RSU1: variants seen among roughly 807,000 people sequenced by gnomAD.
RSU1 encodes the protein Ras suppressor protein 1.
Under a neutral mutation model 31.1 loss-of-function variants are expected in RSU1, and 26 were observed. The observed-to-expected ratio is 0.84, with a 90% CI of 0.61 to 1.16. The LOEUF is 1.16. Among genes scored for constraint, RSU1 ranks in the 50% most tolerant of loss-of-function variants. The probability of loss-of-function intolerance (pLI) is 0.00; values close to 1 mark genes in which losing one functional copy is unlikely to be tolerated. For missense variants in RSU1, 320 were observed against 339.1 expected, an observed-to-expected ratio of 0.94 and a Z score of 0.44; for synonymous variants, 164 against 136.3, an observed-to-expected ratio of 1.20 and a Z score of -1.41.
chr10:16,654,910 G>T (rs1290553033), intron 8 of RSU1, among the ~76,000 whole-genome samples: 1 of 150,880 alleles, frequency 6.6e-6, no homozygotes, highest in Non-Finnish European at 1.5e-5. Context: ...ATTTTTTTTT[G>T]AAAAACAGGT....
chr10:16,658,821 G>C (rs78208997), intron 8 of RSU1, among the ~76,000 whole-genome samples: 2 of 152,106 alleles, frequency 1.3e-5, no homozygotes, highest in African/African-American at 2.4e-5. Context: ...TAAAACCCTA[G>C]AGAACTTAGA....
intron 2 of RSU1, among the ~76,000 whole-genome samples, chr10:16,798,788 T>C (rs12267536): frequency 0.019 from 2,895 of 152,198 alleles, 84 homozygotes; most frequent in African/African-American, 0.065. Context: ...TCCAGTAAAA[T>C]TACAGGAAAT....
chr10:16,621,540 C>T (rs1834071080), intron 8 of RSU1, among the ~76,000 whole-genome samples: 1 of 152,104 alleles, frequency 6.6e-6, no homozygotes, highest in Admixed American at 6.5e-5. Flanking sequence ...AAGACATACC[C>T]AACACTGGGT....
At chr10:16,713,921 T>C (rs1449123006) in intron 7 of RSU1, among the ~76,000 whole-genome samples, 1 of 152,170 alleles carries the variant, frequency 6.6e-6, no homozygotes, top group Non-Finnish European at 1.5e-5. Context: ...CTCAGTAGCA[T>C]GGTCTACATG....
chr10:16,709,350 A>G (rs1440961168), intron 7 of RSU1, among the ~76,000 whole-genome samples: 5 of 152,126 alleles, frequency 3.3e-5, no homozygotes, highest in Non-Finnish European at 5.9e-5. Context: ...GCTGCATACT[A>G]TTCCATGGTG....
At chr10:16,666,766 T>C (rs61842269) in intron 8 of RSU1, among the ~76,000 whole-genome samples, 9,309 of 152,026 alleles carry the variant, frequency 0.061, 448 homozygotes, top group East Asian at 0.19. Flanking sequence ...GGTGGGTGGA[T>C]TACTTGAGGT....
intron 3 of RSU1, among the ~76,000 whole-genome samples, chr10:16,777,857 G>C (rs17333493): frequency 6.6e-6 from 1 of 151,962 alleles, no homozygotes; most frequent in East Asian, 1.9e-4. Context: ...ATGACCTTCG[G>C]CATTATTGCT....
At chr10:16,763,373 A>G (rs1183595201) in intron 4 of RSU1, among the ~76,000 whole-genome samples, 6 of 152,270 alleles carry the variant, frequency 3.9e-5, no homozygotes, top group Non-Finnish European at 8.8e-5. Flanking sequence ...TCATGGTGGA[A>G]GGCAATGCAG....
chr10:16,732,292 G>A (rs1836530127), intron 7 of RSU1, among the ~76,000 whole-genome samples: 1 of 152,182 alleles, frequency 6.6e-6, no homozygotes, highest in East Asian at 1.9e-4. Flanking sequence ...TCTACTTCCT[G>A]TGGACTGAGT....
At chr10:16,680,693 C>T (rs763451132) in intron 8 of RSU1, among the ~76,000 whole-genome samples, 2 of 152,196 alleles carry the variant, frequency 1.3e-5, no homozygotes, top group Non-Finnish European at 2.9e-5. Flanking sequence ...GCTCACTCAT[C>T]ACCAAGAGGA....
intron 8 of RSU1, among the ~76,000 whole-genome samples, chr10:16,689,902 C>T (rs760102298): frequency 5.9e-5 from 9 of 152,214 alleles, no homozygotes; most frequent in Non-Finnish European, 1.2e-4. Flanking sequence ...CCATGCTTGG[C>T]AAATTGCAGT....
rs886129033 is a variant in RSU1 at position 16,626,202 on chromosome 10, G to A, written c.732-32706C>T. 9.9e-5 allele frequency among the ~76,000 whole-genome samples: 15 copies of A among 151,592 alleles called. No individual in the cohort carries two copies. In the East Asian group the frequency reaches 1.6e-3, roughly 16 times the overall value. On this transcript the variant is annotated intron_variant, in intron 8 of 8. Coordinates refer to ENST00000345264, the MANE Select transcript of RSU1 (RefSeq NM_012425.4). ...TGGGACTAAAGGTGCATGCCACCACGTCCAGCTAATTTGTTATTTTAAATT... is the reference window on the plus strand; with the variant it reads ...TGGGACTAAAGGTGCATGCCACCACATCCAGCTAATTTGTTATTTTAAATT...
At chr10:16,726,724 A>G (rs1019451332) in intron 7 of RSU1, among the ~76,000 whole-genome samples, 1 of 152,096 alleles carries the variant, frequency 6.6e-6, no homozygotes, top group Non-Finnish European at 1.5e-5. Flanking sequence ...TTTTTCTCAT[A>G]TTGAATTAGT....
intron 8 of RSU1, among the ~76,000 whole-genome samples, chr10:16,680,214 A>G (rs189470819): frequency 5.9e-5 from 9 of 152,096 alleles, no homozygotes; most frequent in African/African-American, 2.2e-4. Context: ...CTGGTCTCTT[A>G]TTACACCTTT....
chr10:16,786,927 A>C (rs974665922), intron 2 of RSU1, among the ~76,000 whole-genome samples: 2 of 152,054 alleles, frequency 1.3e-5, no homozygotes, highest in Admixed American at 1.3e-4. Flanking sequence ...GGCCAGCTTA[A>C]AGTTAAAAAC....
At chr10:16,738,242 C>G (rs781084594) in intron 7 of RSU1, among the ~76,000 whole-genome samples, 1 of 151,974 alleles carries the variant, frequency 6.6e-6, no homozygotes, top group South Asian at 2.1e-4. Flanking sequence ...GTCAGCAGAT[C>G]GAGACCATCC....
chr10:16,686,367 G>A (rs1336442405), intron 8 of RSU1, among the ~76,000 whole-genome samples: 1 of 152,100 alleles, frequency 6.6e-6, no homozygotes, highest in African/African-American at 2.4e-5. Context: ...TAAGACTCCT[G>A]GGAGTTAATA....
intron 8 of RSU1, among the ~76,000 whole-genome samples, chr10:16,658,131 T>C (rs1394590337): frequency 6.6e-6 from 1 of 152,220 alleles, no homozygotes; most frequent in African/African-American, 2.4e-5. Flanking sequence ...TTTTAGCAGT[T>C]TGTGCCTTTT....
chr10:16,716,213 G>A (rs1418630995), intron 7 of RSU1, among the ~76,000 whole-genome samples: 1 of 152,202 alleles, frequency 6.6e-6, no homozygotes, highest in African/African-American at 2.4e-5. Flanking sequence ...TCAGAGAGAC[G>A]CCTTCACAGG....
Sources: allele counts gnomAD v4.1 joint callset (sites outside exome capture counted in the v4.1 genomes callset), GRCh38; gene constraint gnomAD v4.1.1; transcripts MANE v1.5; gene names NCBI Gene and HGNC (gene_info 2026-07-23, HGNC 2026-07-21).